Variants in RARB observed in about 807,000 individuals in gnomAD.
RARB encodes retinoic acid receptor beta.
Under a neutral mutation model 51.9 loss-of-function variants are expected in RARB, and 17 were observed. The observed-to-expected ratio is 0.33, with a 90% CI of 0.22 to 0.49. The LOEUF (loss-of-function observed/expected upper bound fraction) is 0.49, where lower values mean the gene tolerates loss of function less well. Ranked by LOEUF, RARB falls within the 20% of genes least tolerant of loss-of-function variation. RARB has a pLI of 0.99. For synonymous variants in RARB, 215 were observed against 195.4 expected (o/e 1.10, Z -0.84); for missense variants, 369 against 550.8 (o/e 0.67, Z 3.30).
chr3:25,540,159 A>G (rs539107995), intron 3 of RARB, among the ~76,000 whole-genome samples: 2 of 152,306 alleles, frequency 1.3e-5, no homozygotes, highest in African/African-American at 4.8e-5. Flanking sequence ...TTATTGACCC[A>G]GTGATTTAGT....
At chr3:25,138,157 C>G (rs1333946494) in intron 4 of RARB, among the ~76,000 whole-genome samples, 1 of 152,052 alleles carries the variant, frequency 6.6e-6, no homozygotes, top group Non-Finnish European at 1.5e-5. Context: ...AAAGCAATTC[C>G]CCAACATCTG....
chr3:25,323,480 A>G (rs1255844776), intron 5 of RARB, among the ~76,000 whole-genome samples: 1 of 152,260 alleles, frequency 6.6e-6, no homozygotes, highest in Non-Finnish European at 1.5e-5. Context: ...TGTACACTAT[A>G]ATAGTAGTCT....
chr3:25,103,310 T>A (rs1457083385), intron 3 of RARB, among the ~76,000 whole-genome samples: 1 of 152,164 alleles, frequency 6.6e-6, no homozygotes, highest in Non-Finnish European at 1.5e-5. Context: ...TCACAGGTGA[T>A]ATGCACCGTT....
intron 1 of RARB, among the ~76,000 whole-genome samples, chr3:25,443,936 GTAATAA>G (rs542633998): frequency 1.9e-4 from 29 of 151,622 alleles, no homozygotes; most frequent in Admixed American, 1.6e-3. Flanking sequence ...GTCTCAAAAA[GTAATAA>G]TAATAATAAT....
At position 25,586,017 on chromosome 3, in the gene RARB, G is replaced by A. The variant is rs150987870; in HGVS notation, c.786+5295G>A. 6.8e-3 allele frequency among the ~76,000 whole-genome samples: 1,033 copies of A among 152,242 alleles called. 17 individuals are homozygous for A. The highest frequency in any genetic ancestry group is 0.023 in the African/African-American group (956 of 41,526). On this transcript the variant is annotated intron_variant, in intron 5 of 7. Transcript: ENST00000330688. ...TTGTAAAACTGGGGGCAGGCCAGGC[G>A]GGGTTGAAGAGCTTGACTGGAAATT... is the stretch of plus-strand genomic sequence containing the variant.
intron 3 of RARB, among the ~76,000 whole-genome samples, chr3:25,114,239 A>T (rs956187933): frequency 8.4e-4 from 128 of 152,298 alleles, no homozygotes; most frequent in Non-Finnish European, 1.5e-3. Flanking sequence ...CCATTCAGGA[A>T]ACTCTTGCCT....
chr3:24,980,195 C>T (rs1419559012), intron 2 of RARB, among the ~76,000 whole-genome samples: 5 of 152,146 alleles, frequency 3.3e-5, no homozygotes, highest in African/African-American at 1.2e-4. Context: ...TCTGGCTGCC[C>T]TTAACATTTT....
At chr3:25,105,034 A>T (rs1195538015) in intron 3 of RARB, among the ~76,000 whole-genome samples, 1 of 152,218 alleles carries the variant, frequency 6.6e-6, no homozygotes, top group Non-Finnish European at 1.5e-5. Context: ...ACTTTTCTAT[A>T]AGAATTAATA....
intron 2 of RARB, among the ~76,000 whole-genome samples, chr3:24,990,308 T>C (rs530721582): frequency 0.034 from 2,214 of 64,990 alleles, 586 homozygotes; most frequent in African/African-American, 0.13. Flanking sequence ...GTATATCTCC[T>C]AATGCTATCC....
intron 5 of RARB, among the ~76,000 whole-genome samples, chr3:25,376,194 C>T (rs1706454958): frequency 6.6e-6 from 1 of 152,002 alleles, no homozygotes; most frequent in Non-Finnish European, 1.5e-5. Flanking sequence ...TGGCATTTTG[C>T]TCACTCTACT....
At chr3:25,484,944 A>G (rs1696388786) in intron 2 of RARB, among the ~76,000 whole-genome samples, 1 of 152,220 alleles carries the variant, frequency 6.6e-6, no homozygotes, top group Non-Finnish European at 1.5e-5. Context: ...GGTTATAAAT[A>G]TGAGTCTTAG....
chr3:24,980,912 T>G (rs1696650851), intron 2 of RARB, among the ~76,000 whole-genome samples: 1 of 152,218 alleles, frequency 6.6e-6, no homozygotes, highest in Admixed American at 6.5e-5. Flanking sequence ...TTATCTACCT[T>G]TGGTCTTTGA....
chr3:25,259,775 A>G (rs1207457791), intron 5 of RARB, among the ~76,000 whole-genome samples: 2 of 152,250 alleles, frequency 1.3e-5, no homozygotes, highest in South Asian at 2.1e-4. Context: ...CTTCAGCAAA[A>G]CCCATTTTAT....
chr3:24,867,249 A>T (rs1366985780), intron 2 of RARB, among the ~76,000 whole-genome samples: 1 of 152,098 alleles, frequency 6.6e-6, no homozygotes. Context: ...AGTTTTGGGG[A>T]GGGGCTATTA....
chr3:25,205,570 C>A (rs577167707), intron 5 of RARB, among the ~76,000 whole-genome samples: 1 of 152,026 alleles, frequency 6.6e-6, no homozygotes, highest in East Asian at 1.9e-4. Flanking sequence ...TTGGAACAAC[C>A]CACTGCAATG....
intron 5 of RARB, among the ~76,000 whole-genome samples, chr3:25,177,229 A>G (rs1290260301): frequency 6.6e-6 from 1 of 152,230 alleles, no homozygotes; most frequent in Non-Finnish European, 1.5e-5. Flanking sequence ...TGTCCTTGTT[A>G]AAGCCCGTGT....
chr3:25,595,736 C>G (rs1701792798), intron 7 of RARB, among the ~76,000 whole-genome samples: 1 of 152,146 alleles, frequency 6.6e-6, no homozygotes, highest in African/African-American at 2.4e-5. Context: ...TTTTATTTAA[C>G]AAATTTAAAT....
chr3:25,594,662 T>C lies in RARB; in HGVS notation c.1134T>C (p.Arg378=), dbSNP rs149081373. The change falls in exon 7 of 8, where the codon CGT becomes CGC. Residue 378 remains arginine, a synonymous_variant. Transcript: ENST00000330688. ...PKILMKITDL[R]SISAKGAERV... is the part of the protein sequence containing the mutation. ...TCTTAATGAAAATCACAGATCTCCGTAGCATCAGTGCTAAAGGTATGTCTT... is the reference window on the plus strand; with the variant it reads ...TCTTAATGAAAATCACAGATCTCCGCAGCATCAGTGCTAAAGGTATGTCTT... 9.9e-6 allele frequency: 16 copies of C among 1,612,772 alleles called. No homozygotes were observed. In the East Asian group the frequency reaches 1.1e-4, roughly 11 times the overall value.
intron 2 of RARB, among the ~76,000 whole-genome samples, chr3:24,972,854 T>C (rs1222515208): frequency 6.6e-6 from 1 of 152,016 alleles, no homozygotes; most frequent in African/African-American, 2.4e-5. Flanking sequence ...GCTACTGAGT[T>C]GTTTGGGCTC....
Sources: allele counts gnomAD v4.1 joint callset (sites outside exome capture counted in the v4.1 genomes callset), GRCh38; gene constraint gnomAD v4.1.1; transcripts MANE v1.5; gene names NCBI Gene and HGNC (gene_info 2026-07-23, HGNC 2026-07-21).